Variants in ANO6 observed in about 807,000 individuals in gnomAD.
ANO6 encodes anoctamin-6.
A neutral mutation model predicts 117.5 loss-of-function variants in ANO6; 106 were observed. That is an observed-to-expected ratio of 0.90 (90% CI 0.77 to 1.06). The LOEUF is 1.06. Among genes scored for constraint, ANO6 ranks in the 50% least tolerant of loss-of-function variants. The probability of loss-of-function intolerance (pLI) is 0.00; values close to 1 mark genes in which losing one functional copy is unlikely to be tolerated. For missense variants in ANO6, 955 were observed against 1,121.1 expected (o/e 0.85, Z 2.12); for synonymous variants, 367 against 385.1 (o/e 0.95, Z 0.55).
intron 9 of ANO6, 83 bp downstream of exon 9, chr12:45,367,876 C>CT (rs1314577821): frequency 2.0e-6 from 2 of 1,008,884 alleles, no homozygotes; most frequent in Non-Finnish European, 3.1e-6. Flanking sequence ...AGTATTGTAT[C>CT]TTTTTTCCTC....
chr12:45,231,265 G>C (rs1947569694), intron 1 of ANO6, among the ~76,000 whole-genome samples: 2 of 152,164 alleles, frequency 1.3e-5, no homozygotes, highest in African/African-American at 2.4e-5. Flanking sequence ...CTGGTAGTTT[G>C]AGTCATTTCA....
At chr12:45,336,875 A>T (rs1940841298) in intron 3 of ANO6, among the ~76,000 whole-genome samples, 1 of 152,060 alleles carries the variant, frequency 6.6e-6, no homozygotes, top group African/African-American at 2.4e-5. Context: ...TTATCACAGG[A>T]GATGACAGCT....
chr12:45,402,527 T>TC (rs1942819086), intron 13 of ANO6, among the ~76,000 whole-genome samples: 1 of 152,180 alleles, frequency 6.6e-6, no homozygotes, highest in South Asian at 2.1e-4. Flanking sequence ...GTTAAGTGCT[T>TC]CCCACACTGC....
intron 8 of ANO6, among the ~76,000 whole-genome samples, chr12:45,363,276 A>G (rs1448812999): frequency 1.3e-5 from 2 of 152,188 alleles, no homozygotes; most frequent in Non-Finnish European, 2.9e-5. Flanking sequence ...AAAGGTGTTC[A>G]ATCTGGGCTG....
Position 45,216,255 on chromosome 12 carries a change from C to T in ANO6, c.-67C>T. The T allele has an allele frequency of 3.9e-6, 6 of 1,537,334 alleles. No individual in the cohort carries two copies. Among genetic ancestry groups the T allele is most frequent in the Non-Finnish European group, 5.3e-6 (6 of 1,132,284 alleles). The stretch of plus-strand genomic sequence containing the variant: ...TCCCCGATCCGGCCCCTGGGAGAGC[C>T]GCGCCGTTCTGGAACCCGGGAGCCC... On this transcript the variant is annotated 5_prime_UTR_variant, in exon 1 of 20. Transcript: ENST00000320560.
chr12:45,344,618 C>T (rs180772655), intron 3 of ANO6, among the ~76,000 whole-genome samples: 30 of 152,256 alleles, frequency 2.0e-4, no homozygotes, highest in African/African-American at 7.0e-4. Flanking sequence ...CAGGCCCCTC[C>T]CCTAACATTG....
intron 13 of ANO6, among the ~76,000 whole-genome samples, chr12:45,402,623 C>G (rs1423755830): frequency 6.6e-6 from 1 of 152,164 alleles, no homozygotes; most frequent in African/African-American, 2.4e-5. Context: ...AGGAGGATGA[C>G]CTATTTTGTT....
In ANO6 at chr12:45,228,602, G is replaced by A. The variant is rs1440955616; in HGVS notation, c.70+12211G>A. ...AGGGAAGATTAATAGTGAGAATCTC[G>A]TGGTTAGAGTTCTACATGATTCTGT... On this transcript the variant is annotated intron_variant, in intron 1 of 19. Transcript: ENST00000320560. Among the ~76,000 whole-genome samples the A allele has an allele frequency of 4.6e-5, 7 of 152,208 alleles. No homozygotes were observed. The South Asian group carries it at 6.2e-4, about 14-fold the overall frequency.
rs1311535948 is a variant in ANO6, at chr12:45,378,121, T to G, written c.1165+8T>G. 2.7e-6 allele frequency: 4 copies of G among 1,489,270 alleles called. No homozygotes were observed. The highest frequency in any genetic ancestry group is 3.6e-5 in the Admixed American group (2 of 55,678). The allele number at this position is 1,489,270 out of a possible 1,614,324, so 92.3% of individuals were successfully genotyped here. On this transcript the variant is annotated splice_region_variant and intron_variant, in intron 10 of 19. Transcript: ENST00000320560. ...TATTTATGGGAGTATGGGGTAAGTT[T>G]TTTTTTTTTTTTTCATGCACTCAAT...
intron 10 of ANO6, among the ~76,000 whole-genome samples, chr12:45,383,659 A>C (rs1942223501): frequency 6.6e-6 from 1 of 152,340 alleles, no homozygotes; most frequent in South Asian, 2.1e-4. Flanking sequence ...GGGTGAGTGG[A>C]TGCATTGCCA....
chr12:45,414,305 A>T (rs1421737640), intron 16 of ANO6, among the ~76,000 whole-genome samples: 1 of 151,578 alleles, frequency 6.6e-6, no homozygotes, highest in East Asian at 1.9e-4. Flanking sequence ...TGTTGTTGTT[A>T]TTCTTGGTTT....
At position 45,350,669 on chromosome 12, in the gene ANO6, G is replaced by A. The variant is rs200585881; in HGVS notation, c.758G>A (p.Arg253His). ...CCTTCTGCGTCACAGTGCAAATTCC[G>A]CCGTCAGTCAGAGGATCCCAGCTGC... ...AAFPLHDCKF[R>H]RQSEDPSCPN... The change falls in exon 7 of 20, where the codon CGC becomes CAC. Residue 253 changes from arginine (R) to histidine (H), a missense_variant. Transcript: ENST00000320560. 115 of 1,613,574 alleles carry A rather than the reference G, an allele frequency of 7.1e-5. No homozygotes were observed. The highest frequency in any genetic ancestry group is 4.7e-4 in the Admixed American group (28 of 59,980).
intron 3 of ANO6, among the ~76,000 whole-genome samples, chr12:45,334,222 G>C (rs1017185908): frequency 6.6e-6 from 1 of 152,078 alleles, no homozygotes; most frequent in African/African-American, 2.4e-5. Flanking sequence ...CGTTTAGTCT[G>C]TACTGGGCTT....
chr12:45,291,127 A>G (rs1939079530), intron 1 of ANO6, among the ~76,000 whole-genome samples: 1 of 152,166 alleles, frequency 6.6e-6, no homozygotes, highest in Non-Finnish European at 1.5e-5. Flanking sequence ...CACATCACAG[A>G]CAAAAATTAA....
At position 45,432,049 on chromosome 12, in the gene ANO6, G is replaced by C; in HGVS notation, c.*2738G>C. 7.1e-6 allele frequency: 7 copies of C among 985,272 alleles called. No homozygotes were observed. The highest frequency in any genetic ancestry group is 8.4e-6 in the Non-Finnish European group (7 of 829,868). The allele number at this position is 985,272 out of a possible 1,614,324, so 61.0% of individuals were successfully genotyped here. ...GTCTTCCCTTTTTTATTGCATGTGT[G>C]CCTTGAATTTCATAAAACATTAATT... On this transcript the variant is annotated 3_prime_UTR_variant, in exon 20 of 20. Coordinates refer to ENST00000320560, the MANE Select transcript of ANO6 (RefSeq NM_001025356.3).
At chr12:45,374,435 A>C (rs1314955610) in intron 9 of ANO6, among the ~76,000 whole-genome samples, 1 of 95,442 alleles carries the variant, frequency 1.0e-5, no homozygotes, top group Non-Finnish European at 2.0e-5. Flanking sequence ...CTTGATGAAC[A>C]TTGATGCAAA....
At chr12:45,413,893 A>G (rs747958258) in intron 16 of ANO6, among the ~76,000 whole-genome samples, 7 of 152,080 alleles carry the variant, frequency 4.6e-5, no homozygotes, top group Non-Finnish European at 7.4e-5. Flanking sequence ...ATATATTTTG[A>G]CTTTTTAAAA....
chr12:45,228,189 T>A (rs1364296879), intron 1 of ANO6: 1 of 440,418 alleles, frequency 2.3e-6, no homozygotes, highest in Non-Finnish European at 4.5e-6. Flanking sequence ...AGTAGTGGAG[T>A]AGCGCAATCA....
chr12:45,315,603 A>G (rs76269349), intron 2 of ANO6, among the ~76,000 whole-genome samples: 2,635 of 151,934 alleles, frequency 0.017, 54 homozygotes, highest in East Asian at 0.085. Flanking sequence ...CCTCACACTC[A>G]CTTCCTCAGC....
Sources: allele counts gnomAD v4.1 joint callset (sites outside exome capture counted in the v4.1 genomes callset), GRCh38; gene constraint gnomAD v4.1.1; transcripts MANE v1.5; gene names NCBI Gene and HGNC (gene_info 2026-07-23, HGNC 2026-07-21).